ADCY2: variants seen among roughly 807,000 people sequenced by gnomAD.
The protein encoded by ADCY2 is adenylate cyclase 2, also known as adenylate cyclase type 2.
A neutral mutation model predicts 125.2 loss-of-function variants in ADCY2; 31 were observed. The observed-to-expected ratio is 0.25, with a 90% confidence interval of 0.19 to 0.33. ADCY2 has a LOEUF of 0.33. ADCY2 is among the 10% of genes least tolerant of loss of function. ADCY2 has a pLI of 1.00. For synonymous variants in ADCY2, 512 were observed against 548.4 expected, an observed-to-expected ratio of 0.93 and a Z score of 0.93; for missense variants, 904 against 1,418.2, an observed-to-expected ratio of 0.64 and a Z score of 5.82.
In ADCY2 at chr5:7,786,265, G is replaced by T. The variant is rs530388192; in HGVS notation, c.2469+1816G>T. 3.3e-5 allele frequency among the ~76,000 whole-genome samples: 5 copies of T among 152,278 alleles called. No homozygotes were observed. In the South Asian group the frequency reaches 1.0e-3, roughly 32 times the overall value. On this transcript the variant is annotated intron_variant, in intron 19 of 24. Transcript: ENST00000338316. ...GACTTACTAAGGCCCCAAGTCTTCT[G>T]GGTAAGAACTTTGAAGTCTGTGATC... is the stretch of plus-strand genomic sequence containing the variant.
chr5:7,690,972 C>CA, intron 5 of ADCY2, 133 bp downstream of exon 5: 2 of 1,055,848 alleles, frequency 1.9e-6, no homozygotes. Context: ...AATAATCACA[C>CA]AGATTCTGCC....
chr5:7,426,341 ATT>A (rs757487127), intron 2 of ADCY2, among the ~76,000 whole-genome samples: 2 of 152,098 alleles, frequency 1.3e-5, no homozygotes, highest in Non-Finnish European at 2.9e-5. Flanking sequence ...AATAATAGAG[ATT>A]TATTTCTCTC....
At chr5:7,781,183 G>A (rs1283739236) in intron 18 of ADCY2, among the ~76,000 whole-genome samples, 2 of 152,170 alleles carry the variant, frequency 1.3e-5, no homozygotes, top group Non-Finnish European at 2.9e-5. Flanking sequence ...AAAGGAGAGA[G>A]AGAGAAAGAG....
chr5:7,564,578 C>G (rs1327142218), intron 3 of ADCY2, among the ~76,000 whole-genome samples: 2 of 152,158 alleles, frequency 1.3e-5, no homozygotes, highest in Non-Finnish European at 2.9e-5. Flanking sequence ...ATGTCCCTGC[C>G]TGTGATCTTC....
At chr5:7,694,581 C>T (rs568954744) in intron 5 of ADCY2, among the ~76,000 whole-genome samples, 13 of 152,266 alleles carry the variant, frequency 8.5e-5, no homozygotes, top group Non-Finnish European at 1.5e-4. Context: ...ATAAGGTTTT[C>T]GGGAGTTTCA....
intron 2 of ADCY2, among the ~76,000 whole-genome samples, chr5:7,486,965 C>T (rs1187689847): frequency 6.6e-6 from 1 of 152,198 alleles, no homozygotes; most frequent in Non-Finnish European, 1.5e-5. Flanking sequence ...CGGTGGAAGA[C>T]AACATGCCTC....
chr5:7,766,590 G>A, intron 16 of ADCY2, 97 bp from the exon 17 acceptor site: 1 of 1,252,276 alleles, frequency 8.0e-7, no homozygotes, highest in Non-Finnish European at 1.1e-6. Context: ...CCTGTTTACT[G>A]TGCATAAGGA....
intron 4 of ADCY2, among the ~76,000 whole-genome samples, chr5:7,631,940 T>C (rs1347079524): frequency 6.6e-6 from 1 of 152,194 alleles, no homozygotes; most frequent in Non-Finnish European, 1.5e-5. Context: ...CGAGGACTCA[T>C]CAATGACAAG....
At chr5:7,636,348 G>C (rs73739868) in intron 4 of ADCY2, among the ~76,000 whole-genome samples, 1 of 152,226 alleles carries the variant, frequency 6.6e-6, no homozygotes. Flanking sequence ...GTGCAATCAG[G>C]TTTCTAATCG....
chr5:7,796,222 TC>T (rs1485636991), intron 20 of ADCY2: 1 of 152,204 alleles, frequency 6.6e-6, no homozygotes, highest in Non-Finnish European at 1.5e-5. Flanking sequence ...ATGAACGACT[TC>T]CTGGGACCAA....
intron 5 of ADCY2, among the ~76,000 whole-genome samples, chr5:7,693,352 C>G (rs992457682): frequency 3.3e-5 from 5 of 150,468 alleles, no homozygotes; most frequent in African/African-American, 9.8e-5. Flanking sequence ...GTGCACTGTA[C>G]TTTCTCTACC....
At chr5:7,460,498 A>G (rs1283688097) in intron 2 of ADCY2, among the ~76,000 whole-genome samples, 2 of 152,214 alleles carry the variant, frequency 1.3e-5, no homozygotes, top group Non-Finnish European at 2.9e-5. Flanking sequence ...GTAAATGTTC[A>G]GTATTATCAA....
Position 7,684,649 on chromosome 5 carries a change from C to T in ADCY2, c.721-6042C>T, listed in dbSNP as rs142987037. On this transcript the variant is annotated intron_variant, in intron 4 of 24. Coordinates refer to ENST00000338316, the MANE Select transcript of ADCY2 (RefSeq NM_020546.3). ...AAAATGTTCTGGTCATCTCCTTGAACCTGCAAATCCAGCTGGATGGAAAGA... is the reference window on the plus strand; with the variant it reads ...AAAATGTTCTGGTCATCTCCTTGAATCTGCAAATCCAGCTGGATGGAAAGA... Among the ~76,000 whole-genome samples, 283 of 152,256 alleles carry T rather than the reference C, an allele frequency of 1.9e-3. 1 individual carries two copies. The highest frequency in any genetic ancestry group is 6.7e-3 in the African/African-American group (279 of 41,560).
chr5:7,609,538 T>TAATA (rs1737500296), intron 3 of ADCY2, among the ~76,000 whole-genome samples: 1 of 152,222 alleles, frequency 6.6e-6, no homozygotes, highest in Non-Finnish European at 1.5e-5. Flanking sequence ...TTTATCCATT[T>TAATA]AATAAATACT....
chr5:7,508,719 A>G (rs1743940294), intron 2 of ADCY2, among the ~76,000 whole-genome samples: 1 of 152,198 alleles, frequency 6.6e-6, no homozygotes, highest in South Asian at 2.1e-4. Context: ...CGGGTGAGGA[A>G]GGAGAAGGAA....
chr5:7,454,870 T>A (rs1208303709), intron 2 of ADCY2, among the ~76,000 whole-genome samples: 4 of 152,200 alleles, frequency 2.6e-5, no homozygotes, highest in Non-Finnish European at 5.9e-5. Context: ...TCCTTTGGTT[T>A]TTAGATATTT....
chr5:7,561,811 G>T (rs1034511854), intron 3 of ADCY2, among the ~76,000 whole-genome samples: 1 of 152,146 alleles, frequency 6.6e-6, no homozygotes, highest in Non-Finnish European at 1.5e-5. Flanking sequence ...TGCCATTGCA[G>T]CTGCCTTTAT....
intron 2 of ADCY2, among the ~76,000 whole-genome samples, chr5:7,416,418 C>G (rs1196775620): frequency 6.6e-6 from 1 of 152,184 alleles, no homozygotes; most frequent in Non-Finnish European, 1.5e-5. Flanking sequence ...CCTCACACTC[C>G]CCGCTCTCTC....
At chr5:7,551,471 G>A (rs547681966) in intron 3 of ADCY2, among the ~76,000 whole-genome samples, 4 of 152,260 alleles carry the variant, frequency 2.6e-5, no homozygotes, top group African/African-American at 9.6e-5. Context: ...GCATTGTCCT[G>A]TAACTCAGTA....
Sources: allele counts gnomAD v4.1 joint callset (sites outside exome capture counted in the v4.1 genomes callset), GRCh38; gene constraint gnomAD v4.1.1; transcripts MANE v1.5; gene names NCBI Gene and HGNC (gene_info 2026-07-23, HGNC 2026-07-21).